CEP135: variants seen among roughly 807,000 people sequenced by gnomAD.
CEP135 encodes centrosomal protein of 135 kDa.
In CEP135, 142 loss-of-function variants were observed where a neutral mutation model predicts 157.3. The ratio of observed to expected loss-of-function variants is 0.90; its 90% confidence interval spans 0.79 to 1.04. CEP135 has a LOEUF of 1.04. CEP135 is among the 50% of genes least tolerant of loss of function. The pLI is 0.00. For synonymous variants in CEP135, 396 were observed against 439.8 expected, an observed-to-expected ratio of 0.90 and a Z score of 1.25; for missense variants, 1,317 against 1,309.2, an observed-to-expected ratio of 1.01 and a Z score of -0.09.
In CEP135 at chr4:56,031,959, G is replaced by A. The variant is rs962140738; in HGVS notation, c.*611G>A. 6 of 152,106 alleles carry A rather than the reference G, an allele frequency of 3.9e-5. No homozygotes were observed. The highest frequency in any genetic ancestry group is 2.1e-4 in the South Asian group (1 of 4,826). The allele number at this position is 152,106 out of a possible 1,614,324, so 9.4% of individuals were successfully genotyped here. ...TGTTATTGCCATCTAGAAGAACTATGATGAGAAAGATACATTTATATATTA... is the reference window on the plus strand; with the variant it reads ...TGTTATTGCCATCTAGAAGAACTATAATGAGAAAGATACATTTATATATTA... On this transcript the variant is annotated 3_prime_UTR_variant, in exon 26 of 26. Transcript: ENST00000257287.
intron 11 of CEP135, among the ~76,000 whole-genome samples, chr4:55,977,694 ATCTAT>A (rs1161205037): frequency 2.0e-5 from 3 of 152,232 alleles, no homozygotes; most frequent in Non-Finnish European, 4.4e-5. Context: ...AATGTTAAAA[ATCTAT>A]TCTTTTAGCA....
chr4:56,009,117 G>A (rs1234270305), intron 18 of CEP135, among the ~76,000 whole-genome samples: 1 of 152,064 alleles, frequency 6.6e-6, no homozygotes, highest in Non-Finnish European at 1.5e-5. Flanking sequence ...GCCCAGGCTG[G>A]TCTCGAACTC....
chr4:56,011,642 T>A (rs1441685706), intron 20 of CEP135, 120 bp downstream of exon 20: 6 of 966,682 alleles, frequency 6.2e-6, no homozygotes, highest in Non-Finnish European at 9.3e-6. Context: ...TACTGCCTTT[T>A]TCTATTTTTC....
Position 56,008,339 on chromosome 4 carries a change from G to C in CEP135, c.2293G>C (p.Ala765Pro). 6.2e-7 allele frequency: 1 copy of C among 1,608,988 alleles called. No homozygotes were observed. The highest frequency in any genetic ancestry group is 8.5e-7 in the Non-Finnish European group (1 of 1,177,820). The change falls in exon 18 of 26, where the codon GCT becomes CCT. Residue 765 changes from alanine to proline, a missense_variant. Transcript: ENST00000257287. ...GTAATTTCTATAGGAAAAAGCTGTTGCTCAAATGAAGATAATGATCTCAGA... is the reference window on the plus strand; with the variant it reads ...GTAATTTCTATAGGAAAAAGCTGTTCCTCAAATGAAGATAATGATCTCAGA... ...ENLANKEKAVAQMKIMISECE... is the reference protein window; with the variant it reads ...ENLANKEKAVPQMKIMISECE...
At chr4:56,017,891 T>C (rs1438616665) in intron 22 of CEP135, 34 bp downstream of exon 22, 1 of 1,549,378 alleles carries the variant, frequency 6.5e-7, no homozygotes, top group Admixed American at 1.7e-5. Context: ...CACATTGTTT[T>C]ATTGAGCCCT....
chr4:56,025,320 C>T (rs1443878709), intron 25 of CEP135, among the ~76,000 whole-genome samples: 2 of 152,102 alleles, frequency 1.3e-5, no homozygotes, highest in African/African-American at 4.8e-5. Context: ...AAGACATCTA[C>T]AGCATAACGT....
intron 6 of CEP135, among the ~76,000 whole-genome samples, chr4:55,963,039 T>C (rs952433737): frequency 6.6e-6 from 1 of 152,088 alleles, no homozygotes; most frequent in African/African-American, 2.4e-5. Flanking sequence ...ATTCTCTACT[T>C]TGGTTGGTAG....
rs565470851 is a variant in CEP135 at position 55,976,747 on chromosome 4, G to T, written c.1473+1778G>T. Among the ~76,000 whole-genome samples the T allele has an allele frequency of 3.3e-5, 5 of 152,254 alleles. 1 individual carries two copies. Among genetic ancestry groups the T allele is most frequent in the African/African-American group, 7.2e-5 (3 of 41,536 alleles). Reference sequence around the variant, plus strand: ...TAAGTACCTGAATGAAATGGGTGGGGTATAAGACAGTTGTGAGTGCTGGGA... The same window carrying T: ...TAAGTACCTGAATGAAATGGGTGGGTTATAAGACAGTTGTGAGTGCTGGGA... On this transcript the variant is annotated intron_variant, in intron 11 of 25. Coordinates refer to ENST00000257287, the MANE Select transcript of CEP135 (RefSeq NM_025009.5).
intron 13 of CEP135, 97 bp from the exon 14 acceptor site, chr4:55,985,184 T>C (rs1729535681): frequency 1.8e-6 from 1 of 540,546 alleles, no homozygotes; most frequent in African/African-American, 1.9e-5. Flanking sequence ...AAAGGACAAA[T>C]ACAATATAAT....
At chr4:55,987,477 G>A (rs142937711) in intron 14 of CEP135, among the ~76,000 whole-genome samples, 96 of 152,140 alleles carry the variant, frequency 6.3e-4, no homozygotes, top group Non-Finnish European at 1.2e-3. Flanking sequence ...GTTCCATATC[G>A]GTTCCTTTCC....
intron 15 of CEP135, among the ~76,000 whole-genome samples, chr4:55,992,658 C>T (rs141740749): frequency 1.2e-3 from 187 of 152,002 alleles, no homozygotes; most frequent in African/African-American, 4.2e-3. Context: ...AAAAGGAGAC[C>T]GAGGATCTGG....
At chr4:56,024,726 C>T (rs1240828539) in intron 25 of CEP135, 112 bp downstream of exon 25, 7 of 700,950 alleles carry the variant, frequency 1.0e-5, no homozygotes, top group Non-Finnish European at 1.8e-5. Context: ...TTCAGGAGAA[C>T]TTCCTGGAGT....
At position 55,957,240 on chromosome 4, in the gene CEP135, A is replaced by G. The variant is rs1400107115; in HGVS notation, c.490A>G (p.Ile164Val). Reference sequence around the variant, plus strand: ...CTTTTTAGGTGGCAAGAAAAGAAGTATTGCTTTCAGGCGCCAGCGTATGCA... The same window carrying G: ...CTTTTTAGGTGGCAAGAAAAGAAGTGTTGCTTTCAGGCGCCAGCGTATGCA... ...VQTPGGKKRS[I>V]AFRRQRMQID... Residue 164 changes from isoleucine to valine, a missense_variant, in exon 5 of 26, where the codon ATT becomes GTT. Ile to Val is a conservative substitution (Grantham distance 29). Coordinates refer to ENST00000257287, the MANE Select transcript of CEP135 (RefSeq NM_025009.5). 1 of 1,613,648 alleles carries G rather than the reference A, an allele frequency of 6.2e-7. No homozygotes were observed. The highest frequency in any genetic ancestry group is 8.5e-7 in the Non-Finnish European group (1 of 1,179,912).
At chr4:55,965,990 T>C in intron 8 of CEP135, 131 bp downstream of exon 8, 1 of 741,862 alleles carries the variant, frequency 1.3e-6, no homozygotes, top group Admixed American at 2.9e-5. Context: ...TTTTTTGCTT[T>C]GGTAATTCAG....
intron 25 of CEP135, among the ~76,000 whole-genome samples, chr4:56,026,379 A>G (rs1731159540): frequency 1.3e-5 from 2 of 152,202 alleles, no homozygotes; most frequent in Admixed American, 1.3e-4. Context: ...GTCTAAAAGT[A>G]ACTGTCCTGA....
At chr4:56,003,425 G>A (rs531827467) in intron 17 of CEP135, among the ~76,000 whole-genome samples, 2 of 152,242 alleles carry the variant, frequency 1.3e-5, no homozygotes, top group South Asian at 4.1e-4. Context: ...AGCCAGGATG[G>A]TCTCAATCTC....
chr4:55,971,681 A>C (rs956564563), intron 10 of CEP135, among the ~76,000 whole-genome samples: 2 of 152,194 alleles, frequency 1.3e-5, no homozygotes, highest in African/African-American at 4.8e-5. Flanking sequence ...TAATAATAGA[A>C]TTAAGTAAGA....
At chr4:55,983,629 CA>C (rs1481020556) in intron 13 of CEP135, among the ~76,000 whole-genome samples, 1 of 145,976 alleles carries the variant, frequency 6.9e-6, no homozygotes, top group East Asian at 2.0e-4. Context: ...CAAATCTTCA[CA>C]ATAGCCTCTT....
chr4:56,022,932 A>T (rs1284045460), intron 24 of CEP135, among the ~76,000 whole-genome samples: 1 of 152,098 alleles, frequency 6.6e-6, no homozygotes, highest in Non-Finnish European at 1.5e-5. Context: ...CCCTAGCTCT[A>T]AAAACATTCT....
Sources: gnomAD v4.1 joint callset for allele counts (sites outside exome capture counted in the v4.1 genomes callset) on GRCh38, gnomAD v4.1.1 for gene constraint, MANE v1.5 for transcripts, NCBI Gene and HGNC (gene_info 2026-07-23, HGNC 2026-07-21) for gene names.